Variants in DNAJC1 observed in about 807,000 individuals in gnomAD.
The protein encoded by DNAJC1 is dnaJ homolog subfamily C member 1.
In DNAJC1, 58 loss-of-function variants were observed where a neutral mutation model predicts 76.6. The observed-to-expected ratio is 0.76, with a 90% CI of 0.61 to 0.94. DNAJC1 has a LOEUF of 0.94. Ranked by LOEUF, DNAJC1 falls within the 40% of genes least tolerant of loss-of-function variation. DNAJC1 has a pLI of 0.00. For missense variants in DNAJC1, 689 were observed against 677.3 expected, an observed-to-expected ratio of 1.02 and a Z score of -0.19; for synonymous variants, 258 against 267.9, an observed-to-expected ratio of 0.96 and a Z score of 0.36.
At chr10:21,902,152 G>A (rs1207854355) in intron 7 of DNAJC1, among the ~76,000 whole-genome samples, 1 of 152,066 alleles carries the variant, frequency 6.6e-6, no homozygotes, top group African/African-American at 2.4e-5. Context: ...ATAGTATGAG[G>A]AATGTTTTTA....
chr10:21,845,674 T>C (rs988980632), intron 8 of DNAJC1, among the ~76,000 whole-genome samples: 2 of 152,178 alleles, frequency 1.3e-5, no homozygotes, highest in African/African-American at 2.4e-5. Context: ...TAAAACTAAC[T>C]GGTGGCACTT....
At chr10:21,781,578 G>A (rs1384457249) in intron 9 of DNAJC1, among the ~76,000 whole-genome samples, 34 of 151,812 alleles carry the variant, frequency 2.2e-4, no homozygotes, top group African/African-American at 5.8e-4. Flanking sequence ...AACATTAGCC[G>A]GGCGTGGTGG....
In DNAJC1 at chr10:21,804,027, A is replaced by G. The variant is rs912756662; in HGVS notation, c.1098+1953T>C. The G allele has an allele frequency of 2.5e-5, 23 of 934,440 alleles. No homozygotes were observed. The Admixed American group carries it at 6.2e-4, about 25-fold the overall frequency. 57.9% of individuals were successfully genotyped at this position (934,440 alleles called of 1,614,324 possible). Reference sequence around the variant, plus strand: ...GAGACATATGGGATGAATTTGCAAAAGTTTAAAAAGATGCTTTTGACAGCA... The same window carrying G: ...GAGACATATGGGATGAATTTGCAAAGGTTTAAAAAGATGCTTTTGACAGCA... On this transcript the variant is annotated intron_variant, in intron 9 of 11. Transcript: ENST00000376980.
chr10:21,831,012 T>C (rs74120992), intron 8 of DNAJC1, among the ~76,000 whole-genome samples: 6 of 152,322 alleles, frequency 3.9e-5, no homozygotes, highest in African/African-American at 1.4e-4. Flanking sequence ...TTCTTATCTC[T>C]TATTCTTGTA....
chr10:21,967,274 G>A (rs939663558), intron 1 of DNAJC1, among the ~76,000 whole-genome samples: 5 of 152,078 alleles, frequency 3.3e-5, no homozygotes, highest in Non-Finnish European at 7.4e-5. Flanking sequence ...ACCTTTTCTA[G>A]AAATTTCATA....
intron 8 of DNAJC1, among the ~76,000 whole-genome samples, chr10:21,815,338 A>G (rs1025779879): frequency 2.6e-5 from 4 of 152,234 alleles, no homozygotes; most frequent in Non-Finnish European, 5.9e-5. Context: ...CTTGATGATC[A>G]AACTGCAATA....
At chr10:21,883,551 ATAT>A (rs1836318199) in intron 7 of DNAJC1, among the ~76,000 whole-genome samples, 1 of 152,240 alleles carries the variant, frequency 6.6e-6, no homozygotes, top group Non-Finnish European at 1.5e-5. Flanking sequence ...AACCTATCAT[ATAT>A]TGAAAACATC....
chr10:21,776,332 A>G (rs1026413602), intron 9 of DNAJC1, among the ~76,000 whole-genome samples: 4 of 152,232 alleles, frequency 2.6e-5, no homozygotes, highest in African/African-American at 4.8e-5. Context: ...CAGGTAACTC[A>G]TAAAATAAGT....
chr10:21,978,960 C>G (rs944792005), intron 1 of DNAJC1, among the ~76,000 whole-genome samples: 1 of 151,900 alleles, frequency 6.6e-6, no homozygotes, highest in Non-Finnish European at 1.5e-5. Flanking sequence ...AGATTAATTA[C>G]CTCTATGACT....
chr10:21,841,673 A>G (rs1835576920), intron 8 of DNAJC1, among the ~76,000 whole-genome samples: 1 of 152,294 alleles, frequency 6.6e-6, no homozygotes, highest in South Asian at 2.1e-4. Context: ...AACTAGTTCA[A>G]CCATTGTGGA....
At chr10:21,890,631 A>C (rs903626880) in intron 7 of DNAJC1, among the ~76,000 whole-genome samples, 2 of 152,056 alleles carry the variant, frequency 1.3e-5, no homozygotes, top group Non-Finnish European at 2.9e-5. Flanking sequence ...GAATCCACAA[A>C]CGCTCCGTTC....
intron 9 of DNAJC1, among the ~76,000 whole-genome samples, chr10:21,801,376 A>G (rs1834811145): frequency 1.3e-5 from 2 of 152,210 alleles, no homozygotes; most frequent in South Asian, 2.1e-4. Context: ...CAACAAGGAT[A>G]TGAAAAAAAG....
intron 1 of DNAJC1, among the ~76,000 whole-genome samples, chr10:21,976,890 C>A (rs1358274655): frequency 2.0e-5 from 3 of 152,144 alleles, no homozygotes; most frequent in South Asian, 2.1e-4. Context: ...ATGCCGCCGG[C>A]CCACCCACTA....
intron 1 of DNAJC1, among the ~76,000 whole-genome samples, chr10:21,971,856 T>C (rs994916701): frequency 1.3e-5 from 2 of 151,920 alleles, no homozygotes; most frequent in Non-Finnish European, 2.9e-5. Context: ...CTGGAGGATA[T>C]TAAGAGAAAA....
intron 7 of DNAJC1, among the ~76,000 whole-genome samples, chr10:21,883,763 G>A (rs1410609100): frequency 6.6e-6 from 1 of 152,150 alleles, no homozygotes; most frequent in Admixed American, 6.5e-5. Context: ...CCAGCATTAT[G>A]AGGGAGTATC....
At chr10:21,919,031 C>T (rs1256337432) in intron 5 of DNAJC1, among the ~76,000 whole-genome samples, 159 bp from the exon 6 acceptor site, 1 of 152,016 alleles carries the variant, frequency 6.6e-6, no homozygotes, top group Admixed American at 6.5e-5. Flanking sequence ...TTATAACTGA[C>T]TTACTCCATC....
chr10:21,871,173 T>C (rs894152470), intron 8 of DNAJC1, among the ~76,000 whole-genome samples: 3 of 152,012 alleles, frequency 2.0e-5, no homozygotes, highest in Non-Finnish European at 2.9e-5. Flanking sequence ...GTGCAAACAA[T>C]AGGCAAACCA....
At chr10:21,839,169 C>A (rs1488957131) in intron 8 of DNAJC1, among the ~76,000 whole-genome samples, 1 of 152,016 alleles carries the variant, frequency 6.6e-6, no homozygotes, top group Non-Finnish European at 1.5e-5. Flanking sequence ...AAATTGACAC[C>A]CTAACATCAC....
chr10:21,966,670 A>G (rs2666761), intron 1 of DNAJC1, among the ~76,000 whole-genome samples: 108,419 of 149,752 alleles, frequency 0.72, 39,459 homozygotes, highest in East Asian at 0.96. Flanking sequence ...TCTTTTGCCC[A>G]CCTCTTTCTT....
Sources: allele counts gnomAD v4.1 joint callset (sites outside exome capture counted in the v4.1 genomes callset), GRCh38; gene constraint gnomAD v4.1.1; transcripts MANE v1.5; gene names NCBI Gene and HGNC (gene_info 2026-07-23, HGNC 2026-07-21).